The following EPRS1 variants were observed in gnomAD, a reference collection of about 807,000 sequenced individuals.
EPRS1 encodes the protein glutamyl-prolyl-tRNA synthetase 1, also known as bifunctional glutamate/proline--tRNA ligase.
Under a neutral mutation model 188.3 loss-of-function variants are expected in EPRS1, and 107 were observed. That is an observed-to-expected ratio of 0.57 (90% CI 0.49 to 0.67). The LOEUF (loss-of-function observed/expected upper bound fraction) is 0.67. Among genes scored for constraint, EPRS1 ranks in the 30% least tolerant of loss-of-function variants. EPRS1 has a pLI of 0.00. For missense variants in EPRS1, 1,577 were observed against 1,802.2 expected (o/e 0.88, Z 2.26); for synonymous variants, 596 against 593.1 (o/e 1.00, Z -0.07).
At chr1:220,023,730 C>T (rs1204283780) in intron 8 of EPRS1, among the ~76,000 whole-genome samples, 1 of 152,148 alleles carries the variant, frequency 6.6e-6, no homozygotes, top group East Asian at 1.9e-4. Context: ...CAAAAGACTA[C>T]ACATAATAAG....
chr1:219,989,983 T>C (rs1661088113), intron 18 of EPRS1, among the ~76,000 whole-genome samples: 1 of 151,848 alleles, frequency 6.6e-6, no homozygotes, highest in Admixed American at 6.6e-5. Flanking sequence ...CCAGCTAAAA[T>C]AAAAATGGAA....
intron 20 of EPRS1, 22 bp from the exon 21 acceptor site, chr1:219,984,279 G>T: frequency 1.3e-6 from 2 of 1,583,912 alleles, no homozygotes; most frequent in Non-Finnish European, 8.7e-7. Context: ...AAAAGTAAAA[G>T]ATAAATATCT....
Position 219,997,287 on chromosome 1 carries a change from G to A in EPRS1, c.2237C>T (p.Thr746Ile), listed in dbSNP as rs1469346382. 5 of 1,612,982 alleles carry A rather than the reference G, an allele frequency of 3.1e-6. No individual in the cohort carries two copies. In the African/African-American group the frequency reaches 6.7e-5, roughly 22 times the overall value. ...GTAAAGGACCAAGGAATCCTCAGATGTAGTACAATTATTATTCAGAGAAGG... is the reference window on the plus strand; with the variant it reads ...GTAAAGGACCAAGGAATCCTCAGATATAGTACAATTATTATTCAGAGAAGG... ...PTPSLNNNCTTSEDSLVLYNR... is the reference protein window; with the variant it reads ...PTPSLNNNCTISEDSLVLYNR... The change falls in exon 18 of 32, where the codon ACA becomes ATA. Residue 746 changes from threonine (T) to isoleucine (I), a missense_variant. This residue lies in a region of EPRS1 where 1,278 missense variants were observed against 1,457.4 expected (regional missense o/e 0.88). Transcript: ENST00000366923.
chr1:220,032,392 G>A lies in EPRS1; in HGVS notation c.523C>T (p.Arg175Ter), dbSNP rs756747498. The change falls in exon 5 of 32, where the codon CGA (arginine) becomes TGA (stop). Residue 175 changes from arginine (R) to a stop codon, truncating the protein, a stop_gained. Transcript: ENST00000366923. LOFTEE classifies it high-confidence loss of function. ...AAAAAGAAAAAAAGGCTTACCACTC[G>A]AGCTTTGGTTGTTGAAACATCCCAC... is the stretch of plus-strand genomic sequence containing the variant. Reference protein sequence around the residue: ...TKWDVSTTKARVAPEKKQDVG... With the variant: ...TKWDVSTTKA 2 of 1,590,564 alleles carry A rather than the reference G, an allele frequency of 1.3e-6. No individual in the cohort carries two copies. Among genetic ancestry groups the A allele is most frequent in the Non-Finnish European group, 1.7e-6 (2 of 1,173,462 alleles).
intron 2 of EPRS1, among the ~76,000 whole-genome samples, chr1:220,035,393 C>T (rs1048087616): frequency 6.6e-6 from 1 of 152,052 alleles, no homozygotes; most frequent in Non-Finnish European, 1.5e-5. Context: ...CTCAGGTGAT[C>T]CACCTGCCTC....
At position 219,968,671 on chromosome 1, in the gene EPRS1, A is replaced by T. The variant is rs1319373829; in HGVS notation, c.*135T>A. On this transcript the variant is annotated 3_prime_UTR_variant, in exon 32 of 32. Transcript: ENST00000366923. ...TATCCACTGTTAACTTAGGCATAAG[A>T]ATAATTGTCCTGTGTGACTTCATTT... The T allele has an allele frequency of 6.4e-6, 5 of 786,478 alleles. No homozygotes were observed. In the East Asian group the frequency reaches 1.3e-4, roughly 21 times the overall value. The allele number at this position is 786,478 out of a possible 1,614,324, so 48.7% of individuals were successfully genotyped here.
chr1:219,982,868 A>T (rs746081024), intron 22 of EPRS1, 24 bp from the exon 23 acceptor site: 32 of 1,607,318 alleles, frequency 2.0e-5, no homozygotes, highest in Non-Finnish European at 2.6e-5. Context: ...ATCATTTTTC[A>T]TACTTTTTTT....
rs199973793 is a variant in EPRS1 at position 220,024,348 on chromosome 1, C to T, written c.859G>A (p.Gly287Arg). ...MKYAEKLIQE[G>R]KAYVDDTPAE... Reference sequence around the variant, plus strand: ...GGAGTATCATCCACATAAGCCTTCCCTTCTTGAATTAGCTTCTCTGCATAC... The same window carrying T: ...GGAGTATCATCCACATAAGCCTTCCTTTCTTGAATTAGCTTCTCTGCATAC... Residue 287 changes from glycine (G) to arginine (R), a missense_variant, in exon 8 of 32, where the codon GGG becomes AGG. Transcript: ENST00000366923. 49 of 1,613,486 alleles carry T rather than the reference C, an allele frequency of 3.0e-5. No homozygotes were observed. Among genetic ancestry groups the T allele is most frequent in the Non-Finnish European group, 3.6e-5 (43 of 1,179,532 alleles).
intron 18 of EPRS1, among the ~76,000 whole-genome samples, chr1:219,993,070 A>G (rs536329647): frequency 6.6e-6 from 1 of 152,256 alleles, no homozygotes; most frequent in East Asian, 1.9e-4. Flanking sequence ...CCCCGTCTCT[A>G]TGAGCAATAC....
chr1:220,032,109 C>G (rs1662095110), intron 5 of EPRS1, among the ~76,000 whole-genome samples: 1 of 151,716 alleles, frequency 6.6e-6, no homozygotes, highest in Admixed American at 6.6e-5. Context: ...GAGTCTCGCT[C>G]TGTTGCCCAG....
intron 18 of EPRS1, among the ~76,000 whole-genome samples, chr1:219,990,542 C>T (rs1048205773): frequency 2.6e-5 from 4 of 152,122 alleles, no homozygotes; most frequent in Non-Finnish European, 5.9e-5. Context: ...TAAGTTCCTT[C>T]CCCAGAGTTA....
intron 16 of EPRS1, among the ~76,000 whole-genome samples, chr1:220,001,460 C>T (rs1056286383): frequency 2.0e-5 from 3 of 152,052 alleles, no homozygotes; most frequent in Admixed American, 6.5e-5. Context: ...CCACCTCCTG[C>T]GTTCAAGTGA....
rs760452724 is a variant in EPRS1, at chr1:219,980,856, C to T, written c.3455G>A (p.Arg1152His). 5.0e-6 allele frequency: 8 copies of T among 1,607,152 alleles called. No individual in the cohort carries two copies. The highest frequency in any genetic ancestry group is 1.7e-5 in the Admixed American group (1 of 59,592). ...AGGCTGAGGATGCTTGAATTCCCAA[C>T]GCTGGAAGAGGCAAGAAAACAATTT... Reference protein sequence around the residue: ...IKLNQWCNVVRWEFKHPQPFL... With the variant: ...IKLNQWCNVVHWEFKHPQPFL... Residue 1152 changes from arginine to histidine, a missense_variant and splice_region_variant, in exon 25 of 32, where the codon CGT (arginine) becomes CAT (histidine). Arg to His is a conservative substitution (Grantham distance 29, BLOSUM62 0). Coordinates refer to ENST00000366923, the MANE Select transcript of EPRS1 (RefSeq NM_004446.3).
At position 219,973,325 on chromosome 1, in the gene EPRS1, G is replaced by T; in HGVS notation, c.4157C>A (p.Thr1386Asn). 1 of 1,612,560 alleles carries T rather than the reference G, an allele frequency of 6.2e-7. No homozygotes were observed. The highest frequency in any genetic ancestry group is 8.5e-7 in the Non-Finnish European group (1 of 1,179,668). Residue 1386 changes from threonine (T) to asparagine (N), a missense_variant, in exon 29 of 32, where the codon ACT (threonine) becomes AAT (asparagine). Transcript: ENST00000366923. ...TTCAGCAACTGTCAGCTTTTCTCCAGTATCTCGTCTGACGGCTACAAACTG... is the reference window on the plus strand; with the variant it reads ...TTCAGCAACTGTCAGCTTTTCTCCATTATCTCGTCTGACGGCTACAAACTG... ...SCQFVAVRRD[T>N]GEKLTVAENE...
chr1:220,004,425 A>G (rs570439388), intron 16 of EPRS1, among the ~76,000 whole-genome samples: 1 of 152,322 alleles, frequency 6.6e-6, no homozygotes, highest in Non-Finnish European at 1.5e-5. Flanking sequence ...CTGAACAGAA[A>G]AAGGATGAAA....
At chr1:219,978,856 C>A in intron 27 of EPRS1, 137 bp from the exon 28 acceptor site, 1 of 578,404 alleles carries the variant, frequency 1.7e-6, no homozygotes, top group Non-Finnish European at 2.9e-6. Flanking sequence ...TATATAATGT[C>A]TACTAATTAC....
At chr1:219,981,323 A>T in intron 24 of EPRS1, 55 bp downstream of exon 24, 2 of 1,255,134 alleles carry the variant, frequency 1.6e-6, no homozygotes, top group Admixed American at 2.3e-5. Context: ...GCTTTAAAAA[A>T]AAAAAAAAAA....
chr1:220,034,468 C>T (rs2647455), intron 3 of EPRS1, among the ~76,000 whole-genome samples: 126,003 of 151,196 alleles, frequency 0.83, 52,245 homozygotes, highest in East Asian at 0.93. Context: ...GTATATAAAG[C>T]TAATTTACTA....
chr1:220,031,830 AAATT>A lies in EPRS1; in HGVS notation c.528+553_528+556del, dbSNP rs1395537901. On this transcript the variant is annotated intron_variant, in intron 5 of 31. Transcript: ENST00000366923. ...AGAAAGAAAAAATTGCAAAGGTGTA[AAATT>A]AATGAGGTTTTATTTATATGGAGTT... Among the ~76,000 whole-genome samples the A allele has an allele frequency of 2.0e-5, 3 of 152,284 alleles. No individual in the cohort carries two copies. In the East Asian group the frequency reaches 5.8e-4, roughly 29 times the overall value.
Sources: allele counts gnomAD v4.1 joint callset (sites outside exome capture counted in the v4.1 genomes callset), GRCh38; gene constraint gnomAD v4.1.1; regional missense constraint gnomAD v4.1.1; transcripts MANE v1.5; gene names NCBI Gene and HGNC (gene_info 2026-07-23, HGNC 2026-07-21).